The following CHIC1 variants were observed in gnomAD, a reference collection of about 807,000 sequenced individuals.
CHIC1 encodes cysteine-rich hydrophobic domain-containing protein 1.
Under a neutral mutation model 18.5 loss-of-function variants are expected in CHIC1, and 7 were observed. That is an observed-to-expected ratio of 0.38 (90% CI 0.22 to 0.71). The LOEUF is 0.71. Among genes scored for constraint, CHIC1 ranks in the 30% least tolerant of loss-of-function variants. CHIC1 has a pLI of 0.49. For synonymous variants in CHIC1, 77 were observed against 73.5 expected, an observed-to-expected ratio of 1.05 and a Z score of -0.25; for missense variants, 159 against 176.9, an observed-to-expected ratio of 0.90 and a Z score of 0.57.
chrX:73,648,408 A>T (rs1603348295), intron 3 of CHIC1, among the ~76,000 whole-genome samples: 2 of 112,054 alleles, frequency 1.8e-5, no homozygotes, highest in African/African-American at 6.5e-5. Context: ...ATGGGTAATA[A>T]CAAACTTCTC....
At chrX:73,652,768 T>G (rs1419074101) in intron 3 of CHIC1, among the ~76,000 whole-genome samples, 1 of 112,197 alleles carries the variant, frequency 8.9e-6, no homozygotes, top group Non-Finnish European at 1.9e-5. Flanking sequence ...AGGAATGCTT[T>G]TACATTATTG....
intron 3 of CHIC1, among the ~76,000 whole-genome samples, chrX:73,615,503 C>T (rs752953067): frequency 8.9e-6 from 1 of 111,947 alleles, no homozygotes. Flanking sequence ...GCAGACAAGT[C>T]CCCAGGCCTT....
intron 3 of CHIC1, among the ~76,000 whole-genome samples, chrX:73,588,377 A>G (rs1157782964): frequency 1.8e-5 from 2 of 111,038 alleles, no homozygotes; most frequent in Non-Finnish European, 3.8e-5. Flanking sequence ...CATGGCTTTT[A>G]AAACTGAACA....
intron 3 of CHIC1, among the ~76,000 whole-genome samples, chrX:73,643,919 G>A (rs903416742): frequency 1.5e-4 from 17 of 112,241 alleles, no homozygotes; most frequent in African/African-American, 3.9e-4. Context: ...GAGGAGCTGC[G>A]TTCCTTTGGA....
At chrX:73,602,763 A>C (rs2057658175) in intron 3 of CHIC1, among the ~76,000 whole-genome samples, 1 of 108,813 alleles carries the variant, frequency 9.2e-6, no homozygotes, top group Admixed American at 9.7e-5. Flanking sequence ...ACCATTTATT[A>C]AATAGGGAAT....
In CHIC1 at chrX:73,673,656, G is replaced by A. The variant is rs1035132131; in HGVS notation, c.508-5670G>A. Among the ~76,000 whole-genome samples, 11 of 111,863 alleles carry A rather than the reference G, an allele frequency of 9.8e-5. No homozygotes were observed. The South Asian group carries it at 1.5e-3, about 15-fold the overall frequency. ...GCTTGAGGAGATTTTGGGCTGAGAC[G>A]ATGTGGTTTTCTAGATATACAATCA... On this transcript the variant is annotated intron_variant, in intron 3 of 5. Transcript: ENST00000373502.
intron 3 of CHIC1, among the ~76,000 whole-genome samples, chrX:73,642,175 C>T (rs1028318701): frequency 9.0e-6 from 1 of 111,599 alleles, no homozygotes; most frequent in African/African-American, 3.3e-5. Flanking sequence ...TCCTCTCCAG[C>T]ACCTGTTGTT....
intron 3 of CHIC1, among the ~76,000 whole-genome samples, chrX:73,648,882 C>T (rs370364262): frequency 9.0e-6 from 1 of 110,787 alleles, no homozygotes; most frequent in Non-Finnish European, 1.9e-5. Flanking sequence ...AAGATCAACC[C>T]GAAGACACAT....
At chrX:73,614,565 C>T (rs1032070337) in intron 3 of CHIC1, among the ~76,000 whole-genome samples, 17 of 110,752 alleles carry the variant, frequency 1.5e-4, no homozygotes, top group Non-Finnish European at 3.2e-4. Flanking sequence ...TTTTCTTACT[C>T]TTTTTTTCTT....
chrX:73,642,802 C>A (rs1271129423), intron 3 of CHIC1, among the ~76,000 whole-genome samples: 1 of 108,148 alleles, frequency 9.2e-6, no homozygotes, highest in African/African-American at 3.3e-5. Flanking sequence ...GCTTGTTTTT[C>A]TCAGGTTTGT....
chrX:73,575,990 C>T (rs1382558877), intron 1 of CHIC1, among the ~76,000 whole-genome samples: 3 of 108,677 alleles, frequency 2.8e-5, no homozygotes, highest in Non-Finnish European at 5.8e-5. Context: ...ACTTTTTAAA[C>T]TTTTTTGTTA....
At chrX:73,675,284 G>A (rs959515069) in intron 3 of CHIC1, among the ~76,000 whole-genome samples, 8 of 111,127 alleles carry the variant, frequency 7.2e-5, no homozygotes, top group African/African-American at 2.6e-4. Flanking sequence ...CCTGGGTATC[G>A]TTGTTAACTT....
intron 3 of CHIC1, among the ~76,000 whole-genome samples, chrX:73,632,171 C>T (rs1362209017): frequency 8.9e-6 from 1 of 112,164 alleles, no homozygotes; most frequent in Non-Finnish European, 1.9e-5. Context: ...GGAGCATATG[C>T]ATTTATAGTA....
intron 3 of CHIC1, among the ~76,000 whole-genome samples, chrX:73,645,315 T>G (rs1287258005): frequency 8.9e-6 from 1 of 112,353 alleles, no homozygotes; most frequent in East Asian, 2.8e-4. Flanking sequence ...AGTCCATTGA[T>G]GGACACTTAG....
At chrX:73,662,381 A>G (rs1180641770) in intron 3 of CHIC1, among the ~76,000 whole-genome samples, 1 of 106,097 alleles carries the variant, frequency 9.4e-6, no homozygotes, top group African/African-American at 3.5e-5. Context: ...CCCTGGGGGC[A>G]TCTGTCCTGT....
intron 3 of CHIC1, among the ~76,000 whole-genome samples, chrX:73,643,381 G>A (rs1414204220): frequency 7.3e-5 from 8 of 109,581 alleles, no homozygotes; most frequent in Non-Finnish European, 1.1e-4. Context: ...TCTTTGTGGT[G>A]TTCTCTGTAT....
chrX:73,563,538 C>T lies in CHIC1; in HGVS notation c.254C>T (p.Ala85Val), dbSNP rs1041664399. Reference sequence around the variant, plus strand: ...AGCGAGGAGCATCTGCGGAGATATGCTCCCGACCCTGTATTAGTGCGGGGT... The same window carrying T: ...AGCGAGGAGCATCTGCGGAGATATGTTCCCGACCCTGTATTAGTGCGGGGT... ...VVSEEHLRRY[A>V]PDPVLVRGAG... Residue 85 changes from alanine to valine, a missense_variant, in exon 1 of 6, where the codon GCT becomes GTT. Transcript: ENST00000373502. 2 of 1,127,817 alleles carry T rather than the reference C, an allele frequency of 1.8e-6. No homozygotes were observed. The highest frequency in any genetic ancestry group is 6.3e-5 in the East Asian group (2 of 31,753). 92.9% of individuals were successfully genotyped at this position (1,127,817 alleles called of 1,213,427 possible).
chrX:73,592,458 A>G (rs1390189388), intron 3 of CHIC1, among the ~76,000 whole-genome samples: 1 of 111,921 alleles, frequency 8.9e-6, no homozygotes, highest in Non-Finnish European at 1.9e-5. Flanking sequence ...GTCTGTTGAC[A>G]TGATTATATG....
chrX:73,667,504 T>A (rs192962057), intron 3 of CHIC1, among the ~76,000 whole-genome samples: 24 of 112,157 alleles, frequency 2.1e-4, no homozygotes, highest in African/African-American at 7.5e-4. Context: ...TTCCTTTCCA[T>A]ATTTAGTGCT....
Sources: allele counts gnomAD v4.1 joint callset (sites outside exome capture counted in the v4.1 genomes callset), GRCh38; gene constraint gnomAD v4.1.1; transcripts MANE v1.5; gene names NCBI Gene and HGNC (gene_info 2026-07-23, HGNC 2026-07-21).